LRRC4C: variants seen among roughly 807,000 people sequenced by gnomAD.
LRRC4C encodes leucine-rich repeat-containing protein 4C.
LRRC4C carries 5 observed loss-of-function variants against 33.6 expected under a neutral mutation model. That is an observed-to-expected ratio of 0.15 (90% CI 0.08 to 0.31). The LOEUF is 0.31. Among genes scored for constraint, LRRC4C ranks in the 10% least tolerant of loss-of-function variants. The pLI, the probability that LRRC4C is intolerant of heterozygous loss-of-function variation, is 1.00. For synonymous variants in LRRC4C, 329 were observed against 302.0 expected (o/e 1.09, Z -0.93); for missense variants, 560 against 796.7 (o/e 0.70, Z 3.58).
intron 1 of LRRC4C, among the ~76,000 whole-genome samples, chr11:41,175,574 C>A (rs778733935): frequency 6.6e-6 from 1 of 151,928 alleles, no homozygotes; most frequent in Admixed American, 6.6e-5. Context: ...GTCACTTCCA[C>A]CTACATTTAG....
chr11:40,123,158 G>A (rs1855959083), intron 6 of LRRC4C, among the ~76,000 whole-genome samples: 1 of 152,024 alleles, frequency 6.6e-6, no homozygotes, highest in African/African-American at 2.4e-5. Flanking sequence ...TTATGCCACT[G>A]TAGCAGCCAT....
chr11:41,197,329 G>A (rs1276293817), intron 1 of LRRC4C, among the ~76,000 whole-genome samples: 3 of 152,008 alleles, frequency 2.0e-5, no homozygotes, highest in Non-Finnish European at 4.4e-5. Flanking sequence ...GGTGGATTCT[G>A]ATGCCTATCC....
intron 2 of LRRC4C, among the ~76,000 whole-genome samples, chr11:40,804,185 C>T (rs1188727291): frequency 6.6e-6 from 1 of 152,082 alleles, no homozygotes; most frequent in African/African-American, 2.4e-5. Context: ...ACTCCCCTTG[C>T]TTATAAATGG....
chr11:40,208,808 T>A (rs908035191), intron 5 of LRRC4C, among the ~76,000 whole-genome samples: 1 of 152,202 alleles, frequency 6.6e-6, no homozygotes, highest in African/African-American at 2.4e-5. Context: ...AGAGTCAGCT[T>A]ATGGTTTGGT....
rs753906826 is a variant in LRRC4C, at chr11:40,696,281, C to CATAT, written c.-406-48007_-406-48004dup. 6.5e-3 allele frequency among the ~76,000 whole-genome samples: 608 copies of CATAT among 92,830 alleles called. 35 individuals are homozygous for CATAT. Among genetic ancestry groups the CATAT allele is most frequent in the African/African-American group, 0.043 (584 of 13,448 alleles). 60.9% of individuals were successfully genotyped at this position (92,830 alleles called of 152,430 possible). Reference sequence around the variant, plus strand: ...TATTATCTTCCCTACCACAATGCCACATATATATATATATATATGGTATAT... The same window carrying CATAT: ...TATTATCTTCCCTACCACAATGCCACATATATATATATATATATATATGGTATAT... On this transcript the variant is annotated intron_variant, in intron 2 of 6. Transcript: ENST00000528697.
chr11:40,617,845 C>G (rs1236941496), intron 3 of LRRC4C, among the ~76,000 whole-genome samples: 1 of 151,760 alleles, frequency 6.6e-6, no homozygotes, highest in South Asian at 2.1e-4. Flanking sequence ...ATTTGAAAGA[C>G]AAATGTTAGT....
At chr11:40,117,280 T>C (rs535742252) in intron 6 of LRRC4C, among the ~76,000 whole-genome samples, 3 of 152,324 alleles carry the variant, frequency 2.0e-5, no homozygotes, top group South Asian at 4.1e-4. Flanking sequence ...GGCAACTTAA[T>C]TTATGGTACC....
chr11:40,964,436 T>G lies in LRRC4C; in HGVS notation c.-495-30713A>C, dbSNP rs148084735. The stretch of plus-strand genomic sequence containing the variant: ...GCACAACGTGCAGGTTTGTTACATA[T>G]GTAAACATATGCCATGTTGGTGTGC... On this transcript the variant is annotated intron_variant, in intron 1 of 6. Coordinates refer to ENST00000528697, the MANE Select transcript of LRRC4C (RefSeq NM_001258419.2). 2.6e-3 allele frequency among the ~76,000 whole-genome samples: 400 copies of G among 151,942 alleles called. 1 individual carries two copies. Among genetic ancestry groups the G allele is most frequent in the African/African-American group, 9.2e-3 (383 of 41,484 alleles).
rs147476349 is a variant in LRRC4C at position 41,037,180 on chromosome 11, C to T, written c.-495-103457G>A. Among the ~76,000 whole-genome samples the T allele has an allele frequency of 2.8e-3, 422 of 152,056 alleles. 4 individuals carry two copies. The highest frequency in any genetic ancestry group is 3.0e-3 in the Non-Finnish European group (207 of 67,990). On this transcript the variant is annotated intron_variant, in intron 1 of 6. Transcript: ENST00000528697. ...CAAGAGAAACAAAATATTATCTACT[C>T]GTTGCATTATAAATTAAATTAGAAA...
In LRRC4C at chr11:40,356,365, T is replaced by C. The variant is rs150487871; in HGVS notation, c.-269-36644A>G. Among the ~76,000 whole-genome samples the C allele has an allele frequency of 9.7e-3, 1,475 of 152,328 alleles. 24 individuals are homozygous for C. Among genetic ancestry groups the C allele is most frequent in the African/African-American group, 0.034 (1,418 of 41,576 alleles). ...AGCACTTAAAGGATTACGTGGGACA[T>C]AGTATGCATTCTATTAAGCATTTGT... On this transcript the variant is annotated intron_variant, in intron 3 of 6. Coordinates refer to ENST00000528697, the MANE Select transcript of LRRC4C (RefSeq NM_001258419.2).
intron 3 of LRRC4C, among the ~76,000 whole-genome samples, chr11:40,464,791 A>G (rs1219864205): frequency 6.6e-6 from 1 of 151,998 alleles, no homozygotes; most frequent in East Asian, 1.9e-4. Flanking sequence ...AAACTACAAA[A>G]CACTGACGCA....
chr11:40,952,970 T>C, intron 1 of LRRC4C, among the ~76,000 whole-genome samples: 1 of 151,666 alleles, frequency 6.6e-6, no homozygotes, highest in African/African-American at 2.4e-5. Flanking sequence ...ATTTGGCCCC[T>C]GTATGGTTGT....
intron 1 of LRRC4C, among the ~76,000 whole-genome samples, chr11:41,277,984 T>C (rs954157851): frequency 1.3e-5 from 2 of 152,020 alleles, no homozygotes; most frequent in Non-Finnish European, 2.9e-5. Context: ...CTAAAATAGT[T>C]GATCTCATAG....
At chr11:40,319,967 A>G (rs768803713) in intron 3 of LRRC4C, among the ~76,000 whole-genome samples, 37 of 152,064 alleles carry the variant, frequency 2.4e-4, no homozygotes, top group Non-Finnish European at 4.6e-4. Flanking sequence ...ATATATACAT[A>G]TATCTATTTG....
At chr11:41,255,550 T>C (rs1948772571) in intron 1 of LRRC4C, among the ~76,000 whole-genome samples, 1 of 152,018 alleles carries the variant, frequency 6.6e-6, no homozygotes, top group Non-Finnish European at 1.5e-5. Context: ...TTTTTCTGTA[T>C]TCATTTTTAT....
chr11:40,588,358 A>G (rs9736280), intron 3 of LRRC4C, among the ~76,000 whole-genome samples: 2 of 151,764 alleles, frequency 1.3e-5, no homozygotes, highest in Non-Finnish European at 1.5e-5. Flanking sequence ...CTATTTGATT[A>G]TTCTCTCTTT....
chr11:41,246,467 G>T (rs1451440610), intron 1 of LRRC4C, among the ~76,000 whole-genome samples: 1 of 152,176 alleles, frequency 6.6e-6, no homozygotes, highest in South Asian at 2.1e-4. Context: ...GTGCAGAGAT[G>T]CCCCATCCGC....
chr11:40,159,062 G>T (rs1436960016), intron 5 of LRRC4C, among the ~76,000 whole-genome samples: 3 of 152,118 alleles, frequency 2.0e-5, no homozygotes, highest in Non-Finnish European at 4.4e-5. Flanking sequence ...ATACTACACT[G>T]CGAAAAAGCA....
At chr11:40,673,356 A>G (rs1369042606) in intron 2 of LRRC4C, among the ~76,000 whole-genome samples, 1 of 152,216 alleles carries the variant, frequency 6.6e-6, no homozygotes, top group Non-Finnish European at 1.5e-5. Flanking sequence ...CATCAAACAT[A>G]GCACTGATAA....
Sources: gnomAD v4.1 joint callset for allele counts (sites outside exome capture counted in the v4.1 genomes callset) on GRCh38, gnomAD v4.1.1 for gene constraint, MANE v1.5 for transcripts, NCBI Gene and HGNC (gene_info 2026-07-23, HGNC 2026-07-21) for gene names.